STAU2: variants seen among roughly 807,000 people sequenced by gnomAD.
The protein encoded by STAU2 is double-stranded RNA-binding protein Staufen homolog 2.
Under a neutral mutation model 65.9 loss-of-function variants are expected in STAU2, and 20 were observed. The ratio of observed to expected loss-of-function variants is 0.30; its 90% CI spans 0.21 to 0.44. STAU2 has a LOEUF of 0.44. Among genes scored for constraint, STAU2 ranks in the 20% least tolerant of loss-of-function variants. The probability of loss-of-function intolerance (pLI) is 1.00; values close to 1 mark genes in which losing one functional copy is unlikely to be tolerated. For synonymous variants in STAU2, 232 were observed against 233.9 expected, an observed-to-expected ratio of 0.99 and a Z score of 0.07; for missense variants, 558 against 683.9, an observed-to-expected ratio of 0.82 and a Z score of 2.05.
chr8:73,631,542 C>A (rs1188297603), intron 6 of STAU2, among the ~76,000 whole-genome samples: 1 of 152,086 alleles, frequency 6.6e-6, no homozygotes, highest in Non-Finnish European at 1.5e-5. Context: ...AACATTACTA[C>A]AATTTTTAAA....
At chr8:73,594,876 GTC>G (rs1434201305) in intron 11 of STAU2, among the ~76,000 whole-genome samples, 1 of 152,154 alleles carries the variant, frequency 6.6e-6, no homozygotes, top group African/African-American at 2.4e-5. Flanking sequence ...TTAAGACTGT[GTC>G]TATATGGCAA....
At chr8:73,444,722 A>C (rs984366479) in intron 13 of STAU2, among the ~76,000 whole-genome samples, 1 of 152,218 alleles carries the variant, frequency 6.6e-6, no homozygotes, top group African/African-American at 2.4e-5. Flanking sequence ...ATTTGTAGTC[A>C]GTGGATGTGG....
At chr8:73,466,344 G>C (rs2128902938) in intron 13 of STAU2, among the ~76,000 whole-genome samples, 2 of 152,194 alleles carry the variant, frequency 1.3e-5, no homozygotes, top group Middle Eastern at 3.4e-3. Context: ...ATAATCCCTG[G>C]TGTTTGTAAT....
chr8:73,665,492 T>G (rs915950761), intron 6 of STAU2, among the ~76,000 whole-genome samples: 4 of 152,228 alleles, frequency 2.6e-5, no homozygotes, highest in African/African-American at 9.7e-5. Flanking sequence ...CTTGGATGAC[T>G]TTTTCCTATT....
chr8:73,511,959 A>G (rs1822430936), intron 13 of STAU2, among the ~76,000 whole-genome samples: 2 of 152,188 alleles, frequency 1.3e-5, no homozygotes, highest in African/African-American at 4.8e-5. Context: ...CTCCAAATTC[A>G]TCTTTTTCAT....
At chr8:73,566,764 C>T (rs1170691206) in intron 12 of STAU2, among the ~76,000 whole-genome samples, 2 of 152,156 alleles carry the variant, frequency 1.3e-5, no homozygotes, top group African/African-American at 4.8e-5. Context: ...CATTCTCCAA[C>T]CTTTTCACAC....
intron 13 of STAU2, among the ~76,000 whole-genome samples, chr8:73,435,299 T>C (rs529153683): frequency 3.5e-4 from 53 of 152,040 alleles, no homozygotes; most frequent in Admixed American, 2.7e-3. Flanking sequence ...AGGTAGCTGG[T>C]AAACCCTTGG....
intron 11 of STAU2, among the ~76,000 whole-genome samples, chr8:73,592,634 G>A (rs1299394295): frequency 1.3e-5 from 2 of 152,104 alleles, no homozygotes; most frequent in Non-Finnish European, 2.9e-5. Context: ...CAAGGCAGGC[G>A]GATCATTTGA....
chr8:73,745,692 G>A (rs1330249275), intron 1 of STAU2, among the ~76,000 whole-genome samples: 2 of 152,170 alleles, frequency 1.3e-5, no homozygotes, highest in African/African-American at 4.8e-5. Context: ...TAAATTCCCA[G>A]GTCTACCCTA....
chr8:73,594,042 TGAG>T (rs1216002875), intron 11 of STAU2, among the ~76,000 whole-genome samples: 2 of 152,208 alleles, frequency 1.3e-5, no homozygotes, highest in Non-Finnish European at 2.9e-5. Context: ...TACATGTCTG[TGAG>T]GAGATTTATT....
At chr8:73,747,349 T>C (rs1292434301), upstream of STAU2, 4 of 1,532,598 alleles carry the variant, frequency 2.6e-6, no homozygotes, top group Non-Finnish European at 2.6e-6. Context: ...GTCTGCTCTT[T>C]CTGGTCCGCA....
intron 6 of STAU2, among the ~76,000 whole-genome samples, chr8:73,659,072 C>T (rs1816620730): frequency 6.6e-6 from 1 of 151,924 alleles, no homozygotes; most frequent in African/African-American, 2.4e-5. Flanking sequence ...TAAGGAGAAA[C>T]AGCTGGTGGA....
Position 73,494,133 on chromosome 8 carries a change from A to G in STAU2, c.1530+57879T>C, listed in dbSNP as rs546793541. Among the ~76,000 whole-genome samples the G allele has an allele frequency of 4.6e-5, 7 of 151,902 alleles. No individual in the cohort carries two copies. The South Asian group carries it at 1.5e-3, about 31-fold the overall frequency. ...ACAAGCATATGATCAGAACTTGTCA[A>G]GTGGTACACTTAAGATTTGTACACT... On this transcript the variant is annotated intron_variant, in intron 13 of 14. Transcript: ENST00000524300.
intron 13 of STAU2, among the ~76,000 whole-genome samples, chr8:73,517,598 C>T (rs1822812001): frequency 6.6e-6 from 1 of 152,044 alleles, no homozygotes; most frequent in South Asian, 2.1e-4. Flanking sequence ...TTATGAAACA[C>T]CAAGCTACAG....
intron 12 of STAU2, among the ~76,000 whole-genome samples, chr8:73,578,437 G>C (rs1809739440): frequency 6.6e-6 from 1 of 152,144 alleles, no homozygotes; most frequent in East Asian, 1.9e-4. Context: ...ATTTTTTAAA[G>C]ACTATAGCTT....
At chr8:73,502,826 T>C (rs1318899502) in intron 13 of STAU2, among the ~76,000 whole-genome samples, 12 of 152,100 alleles carry the variant, frequency 7.9e-5, no homozygotes, top group Admixed American at 7.9e-4. Context: ...ATCCATTTTT[T>C]ATACACATTT....
intron 1 of STAU2, among the ~76,000 whole-genome samples, chr8:73,740,248 T>C (rs1806748652): frequency 6.6e-6 from 1 of 152,202 alleles, no homozygotes; most frequent in Non-Finnish European, 1.5e-5. Flanking sequence ...ACAGAAACTG[T>C]AAGATAATGT....
At chr8:73,455,832 A>AG (rs926458690) in intron 13 of STAU2, among the ~76,000 whole-genome samples, 2 of 152,076 alleles carry the variant, frequency 1.3e-5, no homozygotes, top group Non-Finnish European at 2.9e-5. Context: ...GCCGTGGTCA[A>AG]GGGGGGTGAT....
chr8:73,541,274 A>G (rs1262049227), intron 13 of STAU2, among the ~76,000 whole-genome samples: 1 of 152,196 alleles, frequency 6.6e-6, no homozygotes, highest in Non-Finnish European at 1.5e-5. Context: ...GCCCCAAAAT[A>G]TAAGCATAAA....
Sources: gnomAD v4.1 joint callset for allele counts (sites outside exome capture counted in the v4.1 genomes callset) on GRCh38, gnomAD v4.1.1 for gene constraint, MANE v1.5 for transcripts, NCBI Gene and HGNC (gene_info 2026-07-23, HGNC 2026-07-21) for gene names.